Variants in ANKRD24 observed in about 807,000 individuals in gnomAD.
The protein encoded by ANKRD24 is ankyrin repeat domain-containing protein 24.
A neutral mutation model predicts 127.8 loss-of-function variants in ANKRD24; 109 were observed. The observed-to-expected ratio is 0.85, with a 90% confidence interval of 0.73 to 1.00. The LOEUF is 1.00. Among genes scored for constraint, ANKRD24 ranks in the 50% least tolerant of loss-of-function variants. The pLI, the probability that ANKRD24 is intolerant of heterozygous loss-of-function variation, is 0.00. For missense variants in ANKRD24, 1,648 were observed against 1,570.2 expected, an observed-to-expected ratio of 1.05 and a Z score of -0.84; for synonymous variants, 743 against 671.1, an observed-to-expected ratio of 1.11 and a Z score of -1.66.
rs1970219280 is a variant in ANKRD24, at chr19:4,218,001, C to T, written c.2841C>T (p.Ala947=). The T allele has an allele frequency of 3.9e-6, 6 of 1,535,378 alleles. No homozygotes were observed. Among genetic ancestry groups the T allele is most frequent in the Non-Finnish European group, 5.2e-6 (6 of 1,148,644 alleles). The part of the protein sequence containing the change: ...EQEVVATGKE[A]ARLRAELERE... ...AGGTGGTGGCCACGGGCAAGGAGGC[C>T]GCCCGGCTGCGCGCGGAGCTGGAGC... Residue 947 remains alanine, a synonymous_variant, in exon 18 of 22, where the codon GCC becomes GCT. Transcript: ENST00000318934.
chr19:4,216,639 G>C lies in ANKRD24; in HGVS notation c.1479G>C (p.Arg493=), dbSNP rs988308192. 18 of 1,607,346 alleles carry C rather than the reference G, an allele frequency of 1.1e-5. No homozygotes were observed. Among genetic ancestry groups the C allele is most frequent in the African/African-American group, 1.3e-5 (1 of 74,808 alleles). ...VIPLALYDSL[R]AEFDQLRRQH... ...CTCTTGCCCTCTATGACTCTCTCCG[G>C]GCCGAGTTTGACCAGCTACGCAGGC... The change falls in exon 18 of 22, where the codon CGG becomes CGC. Residue 493 remains arginine, a synonymous_variant. Coordinates refer to ENST00000318934, the MANE Select transcript of ANKRD24 (RefSeq NM_001393985.1).
intron 2 of ANKRD24, among the ~76,000 whole-genome samples, chr19:4,196,904 C>T (rs1387792950): frequency 1.3e-5 from 2 of 152,154 alleles, no homozygotes; most frequent in African/African-American, 4.8e-5. Context: ...CCCTCCTCTA[C>T]CGGAGGAGCC....
intron 18 of ANKRD24, 119 bp from the exon 19 acceptor site, chr19:4,219,472 C>T: frequency 8.1e-7 from 1 of 1,227,406 alleles, no homozygotes; most frequent in African/African-American, 1.5e-5. Flanking sequence ...CAGAGCAAGA[C>T]CCTGTCTTAA....
chr19:4,194,721 G>T (rs1011752648), intron 2 of ANKRD24, among the ~76,000 whole-genome samples: 6 of 152,162 alleles, frequency 3.9e-5, no homozygotes, highest in African/African-American at 9.7e-5. Context: ...AAGGTCAGAG[G>T]CTGAAGAAGA....
rs562431617 is a variant in ANKRD24 at position 4,210,291 on chromosome 19, C to A, written c.978C>A (p.Ile326=). ...MPDDRDAYEE[I]VRLRQERGRL... ...ATGATCGAGATGCCTATGAGGAGATCGTGAGGCTGCGGCAGGAGAGGGGCC... is the reference window on the plus strand; with the variant it reads ...ATGATCGAGATGCCTATGAGGAGATAGTGAGGCTGCGGCAGGAGAGGGGCC... Residue 326 remains isoleucine, a synonymous_variant, in exon 13 of 22, where the codon ATC becomes ATA. Coordinates refer to ENST00000318934, the MANE Select transcript of ANKRD24 (RefSeq NM_001393985.1). The A allele has an allele frequency of 1.3e-6, 2 of 1,588,032 alleles. No individual in the cohort carries two copies. Among genetic ancestry groups the A allele is most frequent in the African/African-American group, 1.3e-5 (1 of 74,540 alleles).
chr19:4,208,955 G>A (rs574476336), intron 11 of ANKRD24, 154 bp downstream of exon 11: 14 of 786,088 alleles, frequency 1.8e-5, no homozygotes, highest in Non-Finnish European at 2.2e-5. Context: ...ACCAAGTGGC[G>A]GCAGTGTGCT....
intron 2 of ANKRD24, among the ~76,000 whole-genome samples, chr19:4,190,091 G>A (rs574329900): frequency 6.6e-6 from 1 of 152,086 alleles, no homozygotes; most frequent in African/African-American, 2.4e-5. Context: ...TCAATTCCTC[G>A]ATGATAGTTG....
rs549425427 is a variant in ANKRD24, at chr19:4,195,220, C to T, written c.37-4463C>T. 1.3e-4 allele frequency among the ~76,000 whole-genome samples: 19 copies of T among 151,758 alleles called. No homozygotes were observed. In the South Asian group the frequency reaches 3.1e-3, roughly 25 times the overall value. ...CCCGAGTAGCTGGGACTACAGGCGCCCACCACCACGCCCGGCTAATTTTTT... is the reference window on the plus strand; with the variant it reads ...CCCGAGTAGCTGGGACTACAGGCGCTCACCACCACGCCCGGCTAATTTTTT... On this transcript the variant is annotated intron_variant, in intron 2 of 21. Coordinates refer to ENST00000318934, the MANE Select transcript of ANKRD24 (RefSeq NM_001393985.1). This position sits in a 1 kb window ranked among gnomAD's most constrained non-coding sequence, Gnocchi z 4.2.
At chr19:4,206,620 C>G (rs1233386568) in intron 7 of ANKRD24, among the ~76,000 whole-genome samples, 1 of 151,980 alleles carries the variant, frequency 6.6e-6, no homozygotes, top group Non-Finnish European at 1.5e-5. Flanking sequence ...ACAGCGAGAC[C>G]CCGTCTCTAC....
At chr19:4,186,655 G>C (rs907623959) in intron 2 of ANKRD24, among the ~76,000 whole-genome samples, 194 bp downstream of exon 2, 35 of 151,992 alleles carry the variant, frequency 2.3e-4, no homozygotes, top group African/African-American at 7.7e-4. Context: ...CCAGGCCCTA[G>C]TCCGCTCTCC....
intron 20 of ANKRD24, among the ~76,000 whole-genome samples, chr19:4,223,395 A>ATTTT (rs1337920712): frequency 1.2e-4 from 7 of 58,994 alleles, no homozygotes; most frequent in African/African-American, 5.7e-4. Flanking sequence ...ATATATATAT[A>ATTTT]TATATATTTT....
At position 4,212,476 on chromosome 19, in the gene ANKRD24, C is replaced by A; in HGVS notation, c.1061C>A (p.Ser354Tyr). ...CCCTGTCCCTGTTTCTCCCGTCAGT[C>A]CCCGGAGGCCAGCTCCCTGCACATC... is the stretch of plus-strand genomic sequence containing the variant. ...EQHKERRQQE[S>Y]PEASSLHILE... Residue 354 changes from serine (S) to tyrosine (Y), a missense_variant and splice_region_variant, in exon 14 of 22, where the codon TCC (serine) becomes TAC (tyrosine). Transcript: ENST00000318934. 2 of 1,575,294 alleles carry A rather than the reference C, an allele frequency of 1.3e-6. No individual in the cohort carries two copies. Among genetic ancestry groups the A allele is most frequent in the East Asian group, 2.3e-5 (1 of 43,104 alleles).
At chr19:4,200,642 C>T (rs932079363) in intron 5 of ANKRD24, among the ~76,000 whole-genome samples, 1 of 152,114 alleles carries the variant, frequency 6.6e-6, no homozygotes, top group Non-Finnish European at 1.5e-5. Context: ...CAACCTCAGC[C>T]TCCCAAGTAG....
intron 11 of ANKRD24, 66 bp downstream of exon 11, chr19:4,208,867 C>T: frequency 1.3e-6 from 2 of 1,530,718 alleles, no homozygotes; most frequent in Non-Finnish European, 1.8e-6. Flanking sequence ...TCCCCTGCCC[C>T]AAGCTCTGTG....
chr19:4,212,723 T>A (rs1969815933), intron 15 of ANKRD24, 25 bp downstream of exon 15: 1 of 1,536,994 alleles, frequency 6.5e-7, no homozygotes, highest in African/African-American at 1.4e-5. Context: ...GAGTCAGGGC[T>A]GGGCTGGGGC....
chr19:4,194,613 T>C (rs1197136733), intron 2 of ANKRD24, among the ~76,000 whole-genome samples: 1 of 152,208 alleles, frequency 6.6e-6, no homozygotes, highest in Non-Finnish European at 1.5e-5. Context: ...CATTTTAAGC[T>C]GAGTGAGGTC....
chr19:4,221,707 C>T (rs1201438093), intron 19 of ANKRD24, among the ~76,000 whole-genome samples: 4 of 152,136 alleles, frequency 2.6e-5, no homozygotes, highest in African/African-American at 4.8e-5. Context: ...TTAGACCAGA[C>T]ACTTCACCTC....
chr19:4,216,040 T>A lies in ANKRD24; in HGVS notation c.1260T>A (p.Pro420=). 6.3e-7 allele frequency: 1 copy of A among 1,598,082 alleles called. No individual in the cohort carries two copies. The highest frequency in any genetic ancestry group is 8.5e-7 in the Non-Finnish European group (1 of 1,173,034). The change falls in exon 16 of 22, where the codon CCT becomes CCA. Residue 420 remains proline (P), a synonymous_variant. Coordinates refer to ENST00000318934, the MANE Select transcript of ANKRD24 (RefSeq NM_001393985.1). ...TGCAGGATGAGGAGGGTGAGCTGCC[T>A]GACCTTCCAGGTGAGCCCCCACCTC... ...TTLQDEEGEL[P]DLPGAEVLLS...
chr19:4,188,405 A>G (rs1968190867), intron 2 of ANKRD24, among the ~76,000 whole-genome samples: 1 of 94,466 alleles, frequency 1.1e-5, no homozygotes, highest in Admixed American at 1.2e-4. Context: ...TTTTTTTGAG[A>G]CAGAGTCTCT....
Sources: allele counts gnomAD v4.1 joint callset (sites outside exome capture counted in the v4.1 genomes callset), GRCh38; gene constraint gnomAD v4.1.1; non-coding constraint Gnocchi (gnomAD v3.1); transcripts MANE v1.5; gene names NCBI Gene and HGNC (gene_info 2026-07-23, HGNC 2026-07-21).